The following KIF18B variants were observed in gnomAD, a reference collection of about 807,000 sequenced individuals.
KIF18B encodes kinesin family member 18B, also known as kinesin-like protein KIF18B.
In KIF18B, 49 loss-of-function variants were observed where a neutral mutation model predicts 80.9. The ratio of observed to expected loss-of-function variants is 0.61; its 90% CI spans 0.48 to 0.77. The LOEUF (loss-of-function observed/expected upper bound fraction) is 0.77. Among genes scored for constraint, KIF18B ranks in the 30% least tolerant of loss-of-function variants. The pLI, the probability that KIF18B is intolerant of heterozygous loss-of-function variation, is 0.00. For synonymous variants in KIF18B, 439 were observed against 463.9 expected (o/e 0.95, Z 0.69); for missense variants, 994 against 1,127.7 (o/e 0.88, Z 1.70).
chr17:44,931,389 C>A (rs1231204297), intron 11 of KIF18B, among the ~76,000 whole-genome samples: 1 of 152,186 alleles, frequency 6.6e-6, no homozygotes, highest in African/African-American at 2.4e-5. Flanking sequence ...GCTTCCCTCT[C>A]CTGCTAGGCA....
chr17:44,928,129 C>T lies in KIF18B; in HGVS notation c.2173G>A (p.Asp725Asn). The T allele has an allele frequency of 6.2e-7, 1 of 1,604,104 alleles. No individual in the cohort carries two copies. The highest frequency in any genetic ancestry group is 8.5e-7 in the Non-Finnish European group (1 of 1,175,374). Reference sequence around the variant, plus strand: ...TTTGAGGGAGGCTCCTCAGAGAGATCAAAGGTGGCATTGAGGTCTCGAGTG... The same window carrying T: ...TTTGAGGGAGGCTCCTCAGAGAGATTAAAGGTGGCATTGAGGTCTCGAGTG... ...LPTRDLNATFDLSEEPPSKPS... is the reference protein window; with the variant it reads ...LPTRDLNATFNLSEEPPSKPS... Residue 725 changes from aspartate (D) to asparagine (N), a missense_variant, in exon 13 of 16, where the codon GAT becomes AAT. Physicochemically the swap from Asp to Asn is conservative, Grantham distance 23. Transcript: ENST00000593135.
chr17:44,932,885 A>G, intron 8 of KIF18B, 27 bp downstream of exon 8: 1 of 1,595,128 alleles, frequency 6.3e-7, no homozygotes, highest in Admixed American at 1.7e-5. Context: ...TCGGCCCTCC[A>G]GCCTGCCCCC....
intron 1 of KIF18B, among the ~76,000 whole-genome samples, chr17:44,937,600 C>T (rs867751297): frequency 8.5e-5 from 13 of 152,128 alleles, no homozygotes; most frequent in South Asian, 2.1e-4. Context: ...GATATTCACA[C>T]GATATCTACC....
intron 1 of KIF18B, among the ~76,000 whole-genome samples, chr17:44,946,959 A>C (rs1172327221): frequency 6.6e-6 from 1 of 151,746 alleles, no homozygotes; most frequent in Non-Finnish European, 1.5e-5. Context: ...AAATACAAAA[A>C]TTAGCTGAAT....
rs767335058 is a variant in KIF18B, at chr17:44,932,988, T to G, written c.1063-2A>C. 1.2e-6 allele frequency: 2 copies of G among 1,604,482 alleles called. No individual in the cohort carries two copies. Among genetic ancestry groups the G allele is most frequent in the Non-Finnish European group, 1.7e-6 (2 of 1,172,338 alleles). On this transcript the variant is annotated splice_acceptor_variant, in intron 7 of 15. Coordinates refer to ENST00000593135, the MANE Select transcript of KIF18B (RefSeq NM_001265577.2). LOFTEE classifies it high-confidence loss of function. The stretch of plus-strand genomic sequence containing the variant: ...CAGGCTGGTCACATTGCTCTTCAGC[T>G]GAGATGGGGAACAGGAGAGAGATTT...
In KIF18B at chr17:44,931,716, A is replaced by T. The variant is rs2052152697; in HGVS notation, c.1403T>A (p.Met468Lys). 3 of 1,613,940 alleles carry T rather than the reference A, an allele frequency of 1.9e-6. No individual in the cohort carries two copies. Among genetic ancestry groups the T allele is most frequent in the Non-Finnish European group, 2.5e-6 (3 of 1,179,880 alleles). Residue 468 changes from methionine (M) to lysine (K), a missense_variant, in exon 11 of 16, where the codon ATG (methionine) becomes AAG (lysine). Physicochemically the swap from Met to Lys is moderately conservative, Grantham distance 95 (BLOSUM62 -1). Transcript: ENST00000593135. ...TGCATGTGTGGGGTTCTGCTCTGGC[A>T]TCTGGGTTGGAACCTAAAGAGGAAG... ...EGPAEEVPTQ[M>K]PEQNPTHALP...
chr17:44,928,760 A>G (rs1045326664), intron 12 of KIF18B, 59 bp downstream of exon 12: 6 of 1,552,862 alleles, frequency 3.9e-6, no homozygotes, highest in Admixed American at 3.7e-5. Flanking sequence ...CCTTGGCCCC[A>G]GTGGGGCCTT....
In KIF18B at chr17:44,925,479, A is replaced by C. The variant is rs1240412706; in HGVS notation, c.*601T>G. 6.6e-6 allele frequency: 1 copy of C among 151,438 alleles called. No individual in the cohort carries two copies. The highest frequency in any genetic ancestry group is 1.4e-5 in the Non-Finnish European group (1 of 69,010). The allele number at this position is 151,438 out of a possible 1,614,324, so 9.4% of individuals were successfully genotyped here. On this transcript the variant is annotated 3_prime_UTR_variant, in exon 16 of 16. Transcript: ENST00000593135. ...AAAAAAGATGGGGGAACATGGCAGC[A>C]CCTTTAAAACAGCAACACGGGCCAG...
Position 44,931,609 on chromosome 17 carries a change from A to C in KIF18B, c.1510T>G (p.Ser504Ala). The change falls in exon 11 of 16, where the codon TCT becomes GCT. Residue 504 changes from serine to alanine, a missense_variant. Transcript: ENST00000593135. ...CAGCAAGAAGATACCTACTGCTTAG[A>C]ACGGTCCCCATCCAGTTCCCGTGCT... Reference protein sequence around the residue: ...FSARELDGDRSKQLALKVLCV... With the variant: ...FSARELDGDRAKQLALKVLCV... The C allele has an allele frequency of 1.2e-6, 2 of 1,614,002 alleles. No individual in the cohort carries two copies. Among genetic ancestry groups the C allele is most frequent in the Non-Finnish European group, 1.7e-6 (2 of 1,179,884 alleles).
At chr17:44,931,349 G>T (rs912341243) in intron 11 of KIF18B, among the ~76,000 whole-genome samples, 2 of 152,216 alleles carry the variant, frequency 1.3e-5, no homozygotes, top group Non-Finnish European at 2.9e-5. Flanking sequence ...CCCAGGGTCT[G>T]CTGGCTGCCT....
intron 14 of KIF18B, 128 bp from the exon 15 acceptor site, chr17:44,926,627 G>C: frequency 2.3e-6 from 2 of 876,538 alleles, no homozygotes; most frequent in Non-Finnish European, 3.4e-6. Context: ...GCACCAGCAG[G>C]AGCTTCCAGA....
chr17:44,928,008 C>T lies in KIF18B; in HGVS notation c.2276+18G>A, dbSNP rs776599934. On this transcript the variant is annotated intron_variant, in intron 13 of 15. Coordinates refer to ENST00000593135, the MANE Select transcript of KIF18B (RefSeq NM_001265577.2). Reference sequence around the variant, plus strand: ...CTGACCACTGACAGGAGGGGTGGAGCGAGACTGGGAGACCCACCTGGGGAT... The same window carrying T: ...CTGACCACTGACAGGAGGGGTGGAGTGAGACTGGGAGACCCACCTGGGGAT... 6.6e-6 allele frequency: 10 copies of T among 1,510,104 alleles called. No homozygotes were observed. Among genetic ancestry groups the T allele is most frequent in the African/African-American group, 1.4e-5 (1 of 71,488 alleles). 93.5% of individuals were successfully genotyped at this position (1,510,104 alleles called of 1,614,324 possible). A position where few individuals can be genotyped will look rare whatever the true frequency, so the allele number is the denominator to read the frequency against.
At chr17:44,941,633 C>T (rs1393468093) in intron 1 of KIF18B, among the ~76,000 whole-genome samples, 1 of 152,168 alleles carries the variant, frequency 6.6e-6, no homozygotes, top group East Asian at 1.9e-4. Flanking sequence ...GCCACTGCAC[C>T]CAGCTGTACC....
chr17:44,932,564 T>C (rs371756855), intron 9 of KIF18B, 109 bp downstream of exon 9: 3 of 727,242 alleles, frequency 4.1e-6, no homozygotes, highest in African/African-American at 3.5e-5. Flanking sequence ...ACCCTAGGGA[T>C]TGGAGCAGAA....
At chr17:44,947,145 T>A (rs1014978490) in intron 1 of KIF18B, among the ~76,000 whole-genome samples, 7 of 122,502 alleles carry the variant, frequency 5.7e-5, no homozygotes, top group Non-Finnish European at 8.7e-5. Flanking sequence ...AAAAAAAATT[T>A]TACTGCGTGC....
In KIF18B at chr17:44,926,034, G is replaced by A. The variant is rs780470424; in HGVS notation, c.*46C>T. 6.2e-7 allele frequency: 1 copy of A among 1,608,952 alleles called. No homozygotes were observed. Among genetic ancestry groups the A allele is most frequent in the South Asian group, 1.1e-5 (1 of 90,920 alleles). The stretch of plus-strand genomic sequence containing the variant: ...AGGTCCAAGAGGGGTATCCAGCAGA[G>A]GGGCCGGTAGGTTAGGACACCTTGG... On this transcript the variant is annotated 3_prime_UTR_variant, in exon 16 of 16. Coordinates refer to ENST00000593135, the MANE Select transcript of KIF18B (RefSeq NM_001265577.2).
chr17:44,936,696 A>G (rs1450248856), intron 1 of KIF18B, among the ~76,000 whole-genome samples: 1 of 124,730 alleles, frequency 8.0e-6, no homozygotes, highest in Admixed American at 9.9e-5. Context: ...CTAGAGTGCA[A>G]TGGCATGATC....
chr17:44,930,783 C>T (rs2052128823), intron 11 of KIF18B, among the ~76,000 whole-genome samples: 1 of 152,064 alleles, frequency 6.6e-6, no homozygotes, highest in South Asian at 2.1e-4. Flanking sequence ...ATGGTTGTTC[C>T]CTGGGAGATC....
In KIF18B at chr17:44,936,219, A is replaced by T. The variant is rs766773099; in HGVS notation, c.126T>A (p.Pro42=). ...CAGGGAACCCTCCATCGGGCTCCTCAGGGTTAAACACCAGCACCCGCTCGT... is the reference window on the plus strand; with the variant it reads ...CAGGGAACCCTCCATCGGGCTCCTCTGGGTTAAACACCAGCACCCGCTCGT... The part of the protein sequence containing the change: ...VVDERVLVFN[P]EEPDGGFPGL... Residue 42 remains proline, a synonymous_variant, in exon 2 of 16, where the codon CCT becomes CCA. Transcript: ENST00000593135. 1 of 1,610,608 alleles carries T rather than the reference A, an allele frequency of 6.2e-7. No homozygotes were observed. Among genetic ancestry groups the T allele is most frequent in the Non-Finnish European group, 8.5e-7 (1 of 1,178,792 alleles).
Sources: gnomAD v4.1 joint callset for allele counts (sites outside exome capture counted in the v4.1 genomes callset) on GRCh38, gnomAD v4.1.1 for gene constraint, MANE v1.5 for transcripts, NCBI Gene and HGNC (gene_info 2026-07-23, HGNC 2026-07-21) for gene names.